The following DSG2 variants were observed in gnomAD, a reference collection of about 807,000 sequenced individuals.
DSG2 encodes the protein desmoglein-2.
In DSG2, 45 loss-of-function variants were observed where a neutral mutation model predicts 75.6. That is an observed-to-expected ratio of 0.60 (90% CI 0.47 to 0.76). The LOEUF is 0.76. DSG2 is among the 30% of genes least tolerant of loss of function. DSG2 has a pLI of 0.00. For missense variants in DSG2, 1,267 were observed against 1,357.4 expected (o/e 0.93, Z 1.05); for synonymous variants, 429 against 483.9 (o/e 0.89, Z 1.49).
chr18:31,547,714 C>T lies in DSG2; in HGVS notation c.*971C>T, dbSNP rs2073324852. ...AAAAGGAAAAAAAAATAGCATTATA[C>T]CTCTTCCTTGTCTCAACCGCCATGA... On this transcript the variant is annotated 3_prime_UTR_variant, in exon 15 of 15. Transcript: ENST00000261590. 1 of 151,702 alleles carries T rather than the reference C, an allele frequency of 6.6e-6. No homozygotes were observed. The highest frequency in any genetic ancestry group is 2.1e-4 in the South Asian group (1 of 4,802). 9.4% of individuals were successfully genotyped at this position (151,702 alleles called of 1,614,324 possible). A position where few individuals can be genotyped will look rare whatever the true frequency, so the allele number is the denominator to read the frequency against.
intron 13 of DSG2, 92 bp from the exon 14 acceptor site, chr18:31,542,428 T>G (rs2073274020): frequency 1.5e-6 from 2 of 1,379,226 alleles, no homozygotes; most frequent in Non-Finnish European, 2.1e-6. Context: ...GCTTATACCT[T>G]CCTATGCCCA....
At chr18:31,542,431 T>C (rs2073274041) in intron 13 of DSG2, 89 bp from the exon 14 acceptor site, 2 of 1,417,024 alleles carry the variant, frequency 1.4e-6, no homozygotes, top group Non-Finnish European at 2.0e-6. Flanking sequence ...TATACCTTCC[T>C]ATGCCCACTT....
chr18:31,512,570 A>C (rs2073072987), intron 1 of DSG2, among the ~76,000 whole-genome samples: 1 of 152,234 alleles, frequency 6.6e-6, no homozygotes, highest in Non-Finnish European at 1.5e-5. Context: ...CAAACATAAA[A>C]GCTTCCAGTG....
intron 1 of DSG2, among the ~76,000 whole-genome samples, chr18:31,499,239 A>G (rs2073001355): frequency 6.6e-6 from 1 of 152,246 alleles, no homozygotes; most frequent in Admixed American, 6.5e-5. Flanking sequence ...ATGCAAAATC[A>G]TACTCAGTTT....
intron 1 of DSG2, among the ~76,000 whole-genome samples, chr18:31,508,357 A>C (rs2073049644): frequency 1.4e-5 from 1 of 70,100 alleles, no homozygotes; most frequent in Non-Finnish European, 2.6e-5. Flanking sequence ...TGCCTGATTT[A>C]TTTTATTTTA....
chr18:31,498,616 G>T (rs993902934), intron 1 of DSG2, among the ~76,000 whole-genome samples: 1 of 152,180 alleles, frequency 6.6e-6, no homozygotes, highest in African/African-American at 2.4e-5. Context: ...GAACACCATT[G>T]CTGGGGGTCG....
In DSG2 at chr18:31,519,864, A is replaced by G. The variant is rs1225118377; in HGVS notation, c.143A>G (p.Lys48Arg). The G allele has an allele frequency of 1.2e-6, 2 of 1,614,146 alleles. No individual in the cohort carries two copies. Residue 48 changes from lysine to arginine, a missense_variant, in exon 3 of 15, where the codon AAG (lysine) becomes AGG (arginine). Transcript: ENST00000261590. ...LPKHPHLVRQ[K>R]RAWITAPVAL... ...AAACATCCTCATTTAGTGCGGCAAA[A>G]GCGCGCCTGGATCACCGCCCCCGTG...
At chr18:31,524,971 A>T in intron 8 of DSG2, 83 bp downstream of exon 8, 1 of 1,300,356 alleles carries the variant, frequency 7.7e-7, no homozygotes, top group East Asian at 2.4e-5. Flanking sequence ...TGAACACTTA[A>T]AAGTGCTTTA....
chr18:31,536,450 A>C (rs746115584), intron 11 of DSG2, 21 bp downstream of exon 11: 2 of 1,596,148 alleles, frequency 1.3e-6, no homozygotes. Flanking sequence ...TCACTGGACT[A>C]CATAGAAATC....
In DSG2 at chr18:31,498,305, C is replaced by G. The variant is rs376573409; in HGVS notation, c.45+9C>G. 1.6e-4 allele frequency: 207 copies of G among 1,262,728 alleles called. 2 individuals carry two copies. Among genetic ancestry groups the G allele is most frequent in the Non-Finnish European group, 7.3e-5 (73 of 997,958 alleles). The allele number at this position is 1,262,728 out of a possible 1,614,324, so 78.2% of individuals were successfully genotyped here. A position where few individuals can be genotyped will look rare whatever the true frequency, so the allele number is the denominator to read the frequency against. On this transcript the variant is annotated intron_variant, in intron 1 of 14. Transcript: ENST00000261590. Reference sequence around the variant, plus strand: ...CCCTGCTGCTTCTCCTGGTAAGTGCCGCAAGCGGGACAGGGGAGCCACCGC... The same window carrying G: ...CCCTGCTGCTTCTCCTGGTAAGTGCGGCAAGCGGGACAGGGGAGCCACCGC...
chr18:31,537,546 A>T (rs1791176), intron 11 of DSG2, among the ~76,000 whole-genome samples: 2 of 151,348 alleles, frequency 1.3e-5, no homozygotes, highest in Non-Finnish European at 2.9e-5. Flanking sequence ...ATGAACCCAG[A>T]AGGCAGAGCT....
intron 1 of DSG2, among the ~76,000 whole-genome samples, chr18:31,500,668 C>T (rs1460200473): frequency 2.0e-5 from 3 of 152,148 alleles, no homozygotes; most frequent in Admixed American, 6.5e-5. Context: ...CATGGTCTTT[C>T]GCTTTCCTCA....
chr18:31,521,302 T>C, intron 5 of DSG2, 59 bp downstream of exon 5: 2 of 1,487,182 alleles, frequency 1.3e-6, no homozygotes, highest in East Asian at 2.4e-5. Context: ...TTATCCCCAC[T>C]GTAAATAAAC....
chr18:31,502,718 T>G (rs1486100772), intron 1 of DSG2, among the ~76,000 whole-genome samples: 1 of 150,974 alleles, frequency 6.6e-6, no homozygotes, highest in East Asian at 1.9e-4. Context: ...GCCACTGCAC[T>G]CCAGCCTGGG....
intron 14 of DSG2, among the ~76,000 whole-genome samples, chr18:31,543,737 A>G (rs939633064): frequency 2.0e-5 from 3 of 152,044 alleles, no homozygotes; most frequent in African/African-American, 7.2e-5. Flanking sequence ...ATGCTGGCAC[A>G]CACCTGTAGT....
intron 1 of DSG2, among the ~76,000 whole-genome samples, chr18:31,499,849 G>A (rs1204205003): frequency 2.0e-5 from 3 of 152,036 alleles, no homozygotes; most frequent in Non-Finnish European, 2.9e-5. Context: ...ACCTTATTGG[G>A]CAGTAATAAA....
chr18:31,519,457 A>T (rs1210162591), intron 2 of DSG2, among the ~76,000 whole-genome samples: 1 of 152,126 alleles, frequency 6.6e-6, no homozygotes, highest in East Asian at 1.9e-4. Context: ...CCAGCTTCTT[A>T]GGAGGCTGAG....
chr18:31,542,949 G>T, intron 14 of DSG2, 97 bp downstream of exon 14: 1 of 1,007,402 alleles, frequency 9.9e-7, no homozygotes, highest in African/African-American at 1.6e-5. Context: ...GGATCCAAAT[G>T]AGACTTTGGG....
intron 1 of DSG2, among the ~76,000 whole-genome samples, chr18:31,508,162 A>C (rs2073048627): frequency 6.6e-6 from 1 of 152,134 alleles, no homozygotes; most frequent in Admixed American, 6.5e-5. Context: ...CAGTTTTCCC[A>C]ACACCATAAA....
Sources: allele counts gnomAD v4.1 joint callset (sites outside exome capture counted in the v4.1 genomes callset), GRCh38; gene constraint gnomAD v4.1.1; transcripts MANE v1.5; gene names NCBI Gene and HGNC (gene_info 2026-07-23, HGNC 2026-07-21).